Variants in LRRC4C observed in about 807,000 individuals in gnomAD.
LRRC4C encodes the protein leucine-rich repeat-containing protein 4C.
Under a neutral mutation model 33.6 loss-of-function variants are expected in LRRC4C, and 5 were observed. That is an observed-to-expected ratio of 0.15 (90% CI 0.08 to 0.31). The LOEUF is 0.31. Ranked by LOEUF, LRRC4C falls within the 10% of genes least tolerant of loss-of-function variation. LRRC4C has a pLI of 1.00. For missense variants in LRRC4C, 560 were observed against 796.7 expected (o/e 0.70, Z 3.58); for synonymous variants, 329 against 302.0 (o/e 1.09, Z -0.93).
intron 3 of LRRC4C, among the ~76,000 whole-genome samples, chr11:40,506,425 C>A (rs1033643365): frequency 6.6e-6 from 1 of 152,092 alleles, no homozygotes; most frequent in Admixed American, 6.6e-5. Flanking sequence ...ACGGAATTAG[C>A]GTATTTCATT....
intron 3 of LRRC4C, among the ~76,000 whole-genome samples, chr11:40,581,588 A>T (rs958303706): frequency 2.0e-5 from 3 of 152,166 alleles, no homozygotes; most frequent in African/African-American, 7.2e-5. Context: ...TGACAAAATC[A>T]CTTACAAAAG....
At chr11:41,296,091 T>C (rs1350018606) in intron 1 of LRRC4C, among the ~76,000 whole-genome samples, 2 of 152,138 alleles carry the variant, frequency 1.3e-5, no homozygotes, top group African/African-American at 2.4e-5. Context: ...GAGAATGAAG[T>C]GTGGATCAAT....
At chr11:40,443,508 T>G (rs1175588153) in intron 3 of LRRC4C, among the ~76,000 whole-genome samples, 1 of 152,158 alleles carries the variant, frequency 6.6e-6, no homozygotes, top group African/African-American at 2.4e-5. Context: ...AAGTTGGGCA[T>G]CAGCTCTTTC....
chr11:40,431,922 C>G (rs568343367), intron 3 of LRRC4C, among the ~76,000 whole-genome samples: 2 of 152,294 alleles, frequency 1.3e-5, no homozygotes, highest in East Asian at 1.9e-4. Context: ...ACAACCTACC[C>G]TTGCAGGCTA....
At position 41,021,021 on chromosome 11, in the gene LRRC4C, A is replaced by T. The variant is rs182018215; in HGVS notation, c.-495-87298T>A. Among the ~76,000 whole-genome samples the T allele has an allele frequency of 3.1e-3, 467 of 152,218 alleles. 3 individuals are homozygous for T. The highest frequency in any genetic ancestry group is 0.01 in the Middle Eastern group (3 of 294). On this transcript the variant is annotated intron_variant, in intron 1 of 6. Transcript: ENST00000528697. ...GGCTGATTTGCATCACTTGCTCTCTAACCTTTTCCTTCACAGCATTCATTT... is the reference window on the plus strand; with the variant it reads ...GGCTGATTTGCATCACTTGCTCTCTTACCTTTTCCTTCACAGCATTCATTT...
intron 5 of LRRC4C, among the ~76,000 whole-genome samples, chr11:40,150,775 G>A (rs1471458001): frequency 6.6e-6 from 1 of 152,086 alleles, no homozygotes; most frequent in African/African-American, 2.4e-5. Context: ...TTCTGACCAT[G>A]TATGAGAACT....
chr11:40,559,744 A>G (rs1047236133), intron 3 of LRRC4C, among the ~76,000 whole-genome samples: 2 of 152,236 alleles, frequency 1.3e-5, no homozygotes, highest in East Asian at 3.9e-4. Context: ...TTTTAATGGT[A>G]TGACTACCTC....
At chr11:41,242,119 C>T (rs1158925851) in intron 1 of LRRC4C, among the ~76,000 whole-genome samples, 3 of 151,936 alleles carry the variant, frequency 2.0e-5, no homozygotes, top group Non-Finnish European at 4.4e-5. Context: ...GCCTTTTTTG[C>T]AAGCCATTCC....
chr11:40,386,008 T>A (rs530995713), intron 3 of LRRC4C, among the ~76,000 whole-genome samples: 1 of 151,278 alleles, frequency 6.6e-6, no homozygotes, highest in Admixed American at 6.6e-5. Context: ...ATTTAACCTA[T>A]GTAACAAATC....
intron 1 of LRRC4C, among the ~76,000 whole-genome samples, chr11:41,157,856 A>G (rs1224054495): frequency 6.6e-6 from 1 of 152,106 alleles, no homozygotes; most frequent in Non-Finnish European, 1.5e-5. Flanking sequence ...TAACATGGAA[A>G]ATGAGGTATC....
At position 40,749,442 on chromosome 11, in the gene LRRC4C, C is replaced by A. The variant is rs562063934; in HGVS notation, c.-406-101164G>T. ...AAATGAAGATGGAAACACAATATAC[C>A]AAAACCTATGAGATACAAAAAAAAA... On this transcript the variant is annotated intron_variant, in intron 2 of 6. Coordinates refer to ENST00000528697, the MANE Select transcript of LRRC4C (RefSeq NM_001258419.2). 4.3e-3 allele frequency among the ~76,000 whole-genome samples: 552 copies of A among 129,114 alleles called. 1 individual carries two copies. Among genetic ancestry groups the A allele is most frequent in the Non-Finnish European group, 5.8e-3 (353 of 61,390 alleles). 84.7% of individuals were successfully genotyped at this position (129,114 alleles called of 152,430 possible). A position where few individuals can be genotyped will look rare whatever the true frequency, so the allele number is the denominator to read the frequency against.
chr11:40,153,158 A>T (rs1449377960), intron 5 of LRRC4C, among the ~76,000 whole-genome samples: 1 of 152,158 alleles, frequency 6.6e-6, no homozygotes, highest in Non-Finnish European at 1.5e-5. Flanking sequence ...AGCCGAGCAG[A>T]CTTGCTGGGT....
chr11:41,203,107 G>A (rs998693320), intron 1 of LRRC4C, among the ~76,000 whole-genome samples: 1 of 152,124 alleles, frequency 6.6e-6, no homozygotes. Context: ...TCTTTCTTCA[G>A]TTTCTTGGGC....
intron 2 of LRRC4C, among the ~76,000 whole-genome samples, chr11:40,699,452 G>A (rs1945757169): frequency 6.6e-6 from 1 of 152,066 alleles, no homozygotes; most frequent in African/African-American, 2.4e-5. Flanking sequence ...TGTTTATTAT[G>A]AGAATGAGGA....
chr11:40,925,261 C>A (rs572615107), intron 2 of LRRC4C, among the ~76,000 whole-genome samples: 2 of 152,160 alleles, frequency 1.3e-5, no homozygotes, highest in Non-Finnish European at 2.9e-5. Flanking sequence ...CACCCTCAAG[C>A]CCTCATGAAG....
intron 3 of LRRC4C, among the ~76,000 whole-genome samples, chr11:40,410,381 T>G (rs1235437459): frequency 3.3e-5 from 5 of 152,070 alleles, no homozygotes; most frequent in Admixed American, 3.3e-4. Flanking sequence ...CATCAAAGTT[T>G]AATATGTAAT....
At chr11:41,407,866 T>G (rs1398266679) in intron 1 of LRRC4C, among the ~76,000 whole-genome samples, 2 of 152,104 alleles carry the variant, frequency 1.3e-5, no homozygotes, top group Non-Finnish European at 2.9e-5. Context: ...TGGCATCAAG[T>G]GAAACTTTTA....
Position 40,789,589 on chromosome 11 carries a change from T to G in LRRC4C, c.-406-141311A>C, listed in dbSNP as rs189497653. On this transcript the variant is annotated intron_variant, in intron 2 of 6. Transcript: ENST00000528697. ...CTACTCTTCTATACTTCAGATATATTTTTAAAATGTAGCTGGGTACTGTCA... is the reference window on the plus strand; with the variant it reads ...CTACTCTTCTATACTTCAGATATATGTTTAAAATGTAGCTGGGTACTGTCA... Among the ~76,000 whole-genome samples the G allele has an allele frequency of 1.0e-4, 15 of 144,078 alleles. No homozygotes were observed. In the East Asian group the frequency reaches 3.0e-3, roughly 29 times the overall value. The allele number at this position is 144,078 out of a possible 152,430, so 94.5% of individuals were successfully genotyped here. A position where few individuals can be genotyped will look rare whatever the true frequency, so the allele number is the denominator to read the frequency against.
chr11:40,760,848 CAT>C (rs1424944253), intron 2 of LRRC4C, among the ~76,000 whole-genome samples: 30 of 145,448 alleles, frequency 2.1e-4, no homozygotes, highest in African/African-American at 6.5e-4. Context: ...TATACACACA[CAT>C]ATATGTATAT....
Sources: gnomAD v4.1 joint callset for allele counts (sites outside exome capture counted in the v4.1 genomes callset) on GRCh38, gnomAD v4.1.1 for gene constraint, MANE v1.5 for transcripts, NCBI Gene and HGNC (gene_info 2026-07-23, HGNC 2026-07-21) for gene names.